Variants in LIMCH1 observed in about 807,000 individuals in gnomAD.
LIMCH1 encodes the protein LIM and calponin homology domains 1, also known as LIM and calponin homology domains-containing protein 1.
A neutral mutation model predicts 176.5 loss-of-function variants in LIMCH1; 113 were observed. The ratio of observed to expected loss-of-function variants is 0.64; its 90% CI spans 0.55 to 0.75. LIMCH1 has a LOEUF of 0.75. LIMCH1 is among the 30% of genes least tolerant of loss of function. The pLI is 0.00. For missense variants in LIMCH1, 1,674 were observed against 1,814.9 expected (o/e 0.92, Z 1.41); for synonymous variants, 619 against 645.9 (o/e 0.96, Z 0.63).
chr4:41,642,740 T>TTTTC (rs1051968711), intron 14 of LIMCH1, among the ~76,000 whole-genome samples: 9 of 149,614 alleles, frequency 6.0e-5, no homozygotes, highest in South Asian at 2.1e-4. Context: ...CTTTTTTCTT[T>TTTTC]TTTTTTTTTT....
intron 1 of LIMCH1, among the ~76,000 whole-genome samples, chr4:41,553,966 A>C (rs1193238571): frequency 2.0e-5 from 3 of 152,190 alleles, no homozygotes; most frequent in Non-Finnish European, 4.4e-5. Flanking sequence ...AGGCCAGAGC[A>C]AGTCAGGTTC....
chr4:41,452,837 G>A (rs2064060558), intron 1 of LIMCH1, among the ~76,000 whole-genome samples: 1 of 152,170 alleles, frequency 6.6e-6, no homozygotes, highest in South Asian at 2.1e-4. Flanking sequence ...TATTCACCAT[G>A]TCTTATATCT....
chr4:41,612,150 A>AG (rs1430522962), intron 4 of LIMCH1, among the ~76,000 whole-genome samples: 1 of 152,032 alleles, frequency 6.6e-6, no homozygotes, highest in African/African-American at 2.4e-5. Flanking sequence ...CTTGATGCAA[A>AG]GCTGTGTGTG....
intron 1 of LIMCH1, among the ~76,000 whole-genome samples, chr4:41,479,413 G>A (rs1002359215): frequency 6.6e-6 from 1 of 151,976 alleles, no homozygotes; most frequent in Non-Finnish European, 1.5e-5. Flanking sequence ...CACCACACCC[G>A]GCCAAATTTT....
intron 1 of LIMCH1, among the ~76,000 whole-genome samples, chr4:41,476,112 C>G (rs955883055): frequency 6.6e-6 from 1 of 152,142 alleles, no homozygotes; most frequent in Non-Finnish European, 1.5e-5. Context: ...GCTGGGATTC[C>G]AGACATGAGC....
intron 1 of LIMCH1, among the ~76,000 whole-genome samples, chr4:41,422,874 C>T (rs967656471): frequency 4.6e-5 from 7 of 152,174 alleles, no homozygotes; most frequent in African/African-American, 1.7e-4. Flanking sequence ...CCTCCTGCTT[C>T]AGCCTCCTGA....
Position 41,375,937 on chromosome 4 carries a change from A to G in LIMCH1, c.96+15001A>G, listed in dbSNP as rs116224345. On this transcript the variant is annotated intron_variant, in intron 1 of 26. Coordinates refer to the LIMCH1 transcript ENST00000313860. ...TTTTGAGGGGATAGTGATGATTCCA[A>G]TGACAGTTTTCTAGATTTCTTGGAT... 3.3e-3 allele frequency among the ~76,000 whole-genome samples: 505 copies of G among 152,336 alleles called. 3 individuals carry two copies. The highest frequency in any genetic ancestry group is 0.011 in the African/African-American group (472 of 41,580).
intron 4 of LIMCH1, among the ~76,000 whole-genome samples, chr4:41,609,850 C>T (rs1395854060): frequency 5.3e-5 from 8 of 152,174 alleles, no homozygotes; most frequent in Non-Finnish European, 1.0e-4. Context: ...ATCTTCTGCT[C>T]GCCATCAGAA....
In LIMCH1 at chr4:41,366,436, A is replaced by G. The variant is rs2052998116; in HGVS notation, c.96+5500A>G. ...TTTTTAAAAAGTACAATACAATTTT[A>G]TAATAGAACACCTCATATGTTCCTT... On this transcript the variant is annotated intron_variant, in intron 1 of 26. Coordinates refer to the LIMCH1 transcript ENST00000313860. Among the ~76,000 whole-genome samples, 6 of 152,192 alleles carry G rather than the reference A, an allele frequency of 3.9e-5. No homozygotes were observed. In the South Asian group the frequency reaches 1.2e-3, roughly 32 times the overall value.
intron 1 of LIMCH1, among the ~76,000 whole-genome samples, chr4:41,431,908 C>T (rs2061635364): frequency 6.6e-6 from 1 of 152,164 alleles, no homozygotes; most frequent in South Asian, 2.1e-4. Flanking sequence ...TAATGACTAA[C>T]ACCAATTGAA....
intron 1 of LIMCH1, among the ~76,000 whole-genome samples, chr4:41,364,744 T>G (rs958944488): frequency 6.6e-6 from 1 of 152,248 alleles, no homozygotes. Flanking sequence ...TTGTAGATGA[T>G]CTAATATTAA....
At chr4:41,377,601 T>C (rs1283424823) in intron 1 of LIMCH1, among the ~76,000 whole-genome samples, 1 of 152,202 alleles carries the variant, frequency 6.6e-6, no homozygotes, top group Non-Finnish European at 1.5e-5. Context: ...GTGCCTTGGT[T>C]TGTTTTCTGT....
intron 4 of LIMCH1, among the ~76,000 whole-genome samples, chr4:41,612,035 A>G (rs2091479160): frequency 6.6e-6 from 1 of 152,148 alleles, no homozygotes; most frequent in South Asian, 2.1e-4. Flanking sequence ...CTACTCACCC[A>G]GGCCATTTGA....
At chr4:41,661,062 C>T (rs76127938) in intron 18 of LIMCH1, among the ~76,000 whole-genome samples, 273 of 151,828 alleles carry the variant, frequency 1.8e-3, no homozygotes, top group African/African-American at 6.1e-3. Context: ...CTTTAAAGAA[C>T]CACAAAAAGA....
intron 23 of LIMCH1, among the ~76,000 whole-genome samples, chr4:41,679,382 G>A (rs1713781798): frequency 6.6e-6 from 1 of 152,116 alleles, no homozygotes; most frequent in Admixed American, 6.5e-5. Context: ...CAGAAATGGT[G>A]ACTTCTGCTG....
chr4:41,609,241 T>C (rs1233506458), intron 4 of LIMCH1, among the ~76,000 whole-genome samples: 2 of 64,676 alleles, frequency 3.1e-5, no homozygotes, highest in African/African-American at 7.8e-5. Flanking sequence ...ACCCACCTTA[T>C]GTTTTTTTTT....
chr4:41,521,844 C>T (rs1161561781), intron 2 of LIMCH1, among the ~76,000 whole-genome samples: 1 of 152,040 alleles, frequency 6.6e-6, no homozygotes, highest in Admixed American at 6.5e-5. Flanking sequence ...TTTTTCCAAT[C>T]TTCCCTTTAT....
chr4:41,597,234 C>T (rs2089036341), intron 1 of LIMCH1, among the ~76,000 whole-genome samples: 3 of 152,136 alleles, frequency 2.0e-5, no homozygotes, highest in Admixed American at 1.3e-4. Flanking sequence ...GCACCTCCAT[C>T]GTTTGGGGGC....
intron 1 of LIMCH1, among the ~76,000 whole-genome samples, chr4:41,423,339 A>G (rs1420486475): frequency 6.6e-5 from 10 of 152,206 alleles, no homozygotes; most frequent in African/African-American, 2.4e-4. Context: ...GAAGTCTGGG[A>G]AAGAGTTTTG....
Sources: allele counts gnomAD v4.1 joint callset (sites outside exome capture counted in the v4.1 genomes callset), GRCh38; gene constraint gnomAD v4.1.1; transcripts MANE v1.5; gene names NCBI Gene and HGNC (gene_info 2026-07-23, HGNC 2026-07-21).